The following ZSCAN25 variants were observed in gnomAD, a reference collection of about 807,000 sequenced individuals.
The protein encoded by ZSCAN25 is zinc finger and SCAN domain-containing protein 25.
A neutral mutation model predicts 38.7 loss-of-function variants in ZSCAN25; 27 were observed. That is an observed-to-expected ratio of 0.70 (90% confidence interval 0.51 to 0.96). The LOEUF (loss-of-function observed/expected upper bound fraction) is 0.96, where lower values mean the gene tolerates loss of function less well. ZSCAN25 is among the 40% of genes least tolerant of loss of function. The pLI is 0.00. For synonymous variants in ZSCAN25, 273 were observed against 277.7 expected (o/e 0.98, Z 0.17); for missense variants, 637 against 705.9 (o/e 0.90, Z 1.11).
the ZSCAN25 span, among the ~76,000 whole-genome samples, chr7:99,722,563 T>C: frequency 6.6e-6 from 1 of 152,176 alleles, no homozygotes; most frequent in Non-Finnish European, 1.5e-5. Context: ...TTAAGTGTTG[T>C]CGATACTGAA....
chr7:99,704,387 T>C, the ZSCAN25 span, among the ~76,000 whole-genome samples: 2 of 151,960 alleles, frequency 1.3e-5, no homozygotes, highest in Admixed American at 6.6e-5. Context: ...ACCTCCCAGG[T>C]TCAAGCAATT....
chr7:99,698,247 C>T, the ZSCAN25 span, among the ~76,000 whole-genome samples: 2 of 152,198 alleles, frequency 1.3e-5, no homozygotes, highest in African/African-American at 2.4e-5. Flanking sequence ...TGCCTGGCTG[C>T]CCGAGTCTGT....
the ZSCAN25 span, among the ~76,000 whole-genome samples, chr7:99,673,343 C>G: frequency 4.6e-5 from 7 of 152,242 alleles, no homozygotes; most frequent in African/African-American, 1.4e-4. Flanking sequence ...ATCCACTGCT[C>G]TCACCAAACC....
At chr7:99,623,716 T>C (rs1807204441) in intron 6 of ZSCAN25, among the ~76,000 whole-genome samples, 1 of 152,180 alleles carries the variant, frequency 6.6e-6, no homozygotes, top group Non-Finnish European at 1.5e-5. Flanking sequence ...GAGTGAGAAA[T>C]TGAGGATGCA....
At chr7:99,717,718 C>A in the ZSCAN25 span, 8 of 1,519,080 alleles carry the variant, frequency 5.3e-6, no homozygotes, top group African/African-American at 4.1e-5. Context: ...GTTAAACAGG[C>A]ATCATGTATT....
At chr7:99,701,217 G>A in the ZSCAN25 span, among the ~76,000 whole-genome samples, 1 of 152,150 alleles carries the variant, frequency 6.6e-6, no homozygotes, top group Non-Finnish European at 1.5e-5. Context: ...GTCTTTGTGT[G>A]CCTGGCTTAT....
chr7:99,691,052 A>G, the ZSCAN25 span, among the ~76,000 whole-genome samples: 1 of 152,246 alleles, frequency 6.6e-6, no homozygotes, highest in East Asian at 1.9e-4. Context: ...CCAAATGTCC[A>G]ACAACGATAG....
chr7:99,679,686 CT>C, the ZSCAN25 span: 16 of 730,024 alleles, frequency 2.2e-5, no homozygotes, highest in East Asian at 2.3e-4. Flanking sequence ...ATAATAACTT[CT>C]ATGCGTTTGT....
Position 99,629,987 on chromosome 7 carries a change from G to T in ZSCAN25, c.1602G>T (p.Lys534Asn). The change falls in exon 8 of 8, where the codon AAG (lysine) becomes AAT (asparagine). Residue 534 changes from lysine to asparagine, a missense_variant. Coordinates refer to ENST00000394152, the MANE Select transcript of ZSCAN25 (RefSeq NM_145115.3). The surrounding 1 kb of genome is among the most constrained non-coding windows in gnomAD (Gnocchi z 5.6). ...NQRSILNRHQ[K>N]TQHRQEPLVQ is the part of the protein sequence containing the mutation. The stretch of plus-strand genomic sequence containing the variant: ...GGTCCATCCTCAACCGGCACCAGAA[G>T]ACCCAGCACCGCCAGGAGCCGCTGG... 1 of 1,591,770 alleles carries T rather than the reference G, an allele frequency of 6.3e-7. No homozygotes were observed. The highest frequency in any genetic ancestry group is 8.6e-7 in the Non-Finnish European group (1 of 1,169,158).
chr7:99,676,173 A>C, the ZSCAN25 span: 2 of 1,613,842 alleles, frequency 1.2e-6, no homozygotes, highest in South Asian at 2.2e-5. Context: ...TGGAATTCCC[A>C]GTCTCTTAAA....
intron 7 of ZSCAN25, among the ~76,000 whole-genome samples, chr7:99,625,720 C>T (rs1378821551): frequency 1.3e-5 from 2 of 152,106 alleles, no homozygotes; most frequent in African/African-American, 4.8e-5. Context: ...GGGTGAGGAG[C>T]CCCTCGCCCC....
chr7:99,679,783 C>G, the ZSCAN25 span: 1 of 1,598,358 alleles, frequency 6.3e-7, no homozygotes, highest in South Asian at 1.1e-5. Flanking sequence ...ATTAGCACCC[C>G]AAGTCCAAGG....
the ZSCAN25 span, chr7:99,663,125 C>A: frequency 8.1e-7 from 1 of 1,230,062 alleles, no homozygotes. Context: ...TTTGCCCTCC[C>A]TGTTTCTCAT....
At chr7:99,701,292 T>C in the ZSCAN25 span, among the ~76,000 whole-genome samples, 1 of 152,224 alleles carries the variant, frequency 6.6e-6, no homozygotes, top group Non-Finnish European at 1.5e-5. Flanking sequence ...CTCATGCTTT[T>C]TTCATGGCTG....
At chr7:99,678,620 G>C in the ZSCAN25 span, among the ~76,000 whole-genome samples, 1 of 152,146 alleles carries the variant, frequency 6.6e-6, no homozygotes, top group African/African-American at 2.4e-5. Context: ...TAACAGCCCT[G>C]TTTTACCATC....
the ZSCAN25 span, among the ~76,000 whole-genome samples, chr7:99,718,577 TA>T: frequency 6.6e-6 from 1 of 152,178 alleles, no homozygotes; most frequent in South Asian, 2.1e-4. Flanking sequence ...CCACTTCATC[TA>T]AATCATTCTT....
chr7:99,709,139 G>A, the ZSCAN25 span: 8 of 1,613,838 alleles, frequency 5.0e-6, no homozygotes, highest in East Asian at 8.9e-5. Context: ...ACATCCCATT[G>A]ATTTCAACAT....
chr7:99,734,773 T>A, the ZSCAN25 span, among the ~76,000 whole-genome samples: 1 of 151,888 alleles, frequency 6.6e-6, no homozygotes, highest in Non-Finnish European at 1.5e-5. Flanking sequence ...AGTTATGCAC[T>A]ACCATGCCCA....
chr7:99,731,596 A>G, the ZSCAN25 span, among the ~76,000 whole-genome samples: 1 of 152,186 alleles, frequency 6.6e-6, no homozygotes, highest in Non-Finnish European at 1.5e-5. Flanking sequence ...GCATCACTGC[A>G]TCCACTCAGT....
Sources: gnomAD v4.1 joint callset for allele counts (sites outside exome capture counted in the v4.1 genomes callset) on GRCh38, gnomAD v4.1.1 for gene constraint, Gnocchi (gnomAD v3.1) non-coding constraint, MANE v1.5 for transcripts, NCBI Gene and HGNC (gene_info 2026-07-23, HGNC 2026-07-21) for gene names.